WDR17: variants seen among roughly 807,000 people sequenced by gnomAD.
WDR17 encodes the protein WD repeat domain 17.
WDR17 carries 143 observed loss-of-function variants against 161.7 expected under a neutral mutation model. The ratio of observed to expected loss-of-function variants is 0.88; its 90% CI spans 0.77 to 1.02. WDR17 has a LOEUF of 1.02. WDR17 is among the 50% of genes least tolerant of loss of function. The pLI is 0.00. For synonymous variants in WDR17, 517 were observed against 515.6 expected, an observed-to-expected ratio of 1.00 and a Z score of -0.04; for missense variants, 1,469 against 1,520.9, an observed-to-expected ratio of 0.97 and a Z score of 0.57.
At chr4:176,124,966 C>T in intron 4 of WDR17, 138 bp from the exon 5 acceptor site, 1 of 952,526 alleles carries the variant, frequency 1.0e-6, no homozygotes, top group East Asian at 2.6e-5. Flanking sequence ...GTCAGTTACG[C>T]CTTCTGCATA....
chr4:176,129,800 A>C (rs1242375440), intron 6 of WDR17, among the ~76,000 whole-genome samples: 1 of 151,194 alleles, frequency 6.6e-6, no homozygotes, highest in East Asian at 1.9e-4. Flanking sequence ...AGAACCTGGA[A>C]ACTGGAGGGT....
At chr4:176,155,447 G>A (rs2126830176) in intron 17 of WDR17, among the ~76,000 whole-genome samples, 1 of 151,114 alleles carries the variant, frequency 6.6e-6, no homozygotes, top group East Asian at 1.9e-4. Flanking sequence ...AGTGATGAGA[G>A]CAGCCATTTA....
chr4:176,181,260 A>C lies in WDR17; in HGVS notation c.*1681A>C, dbSNP rs890740494. The C allele has an allele frequency of 1.3e-5, 2 of 152,076 alleles. No homozygotes were observed. The highest frequency in any genetic ancestry group is 2.9e-5 in the Non-Finnish European group (2 of 68,148). The allele number at this position is 152,076 out of a possible 1,614,324, so 9.4% of individuals were successfully genotyped here. A position where few individuals can be genotyped will look rare whatever the true frequency, so the allele number is the denominator to read the frequency against. On this transcript the variant is annotated 3_prime_UTR_variant, in exon 29 of 29. Transcript: ENST00000508596. ...GAGATGGGCAGATCTTGAGGTCGGT[A>C]GATGGAGACCATCCTGGCCAACATG...
intron 1 of WDR17, among the ~76,000 whole-genome samples, chr4:176,071,831 G>C (rs1160117151): frequency 2.0e-5 from 3 of 152,178 alleles, no homozygotes; most frequent in Non-Finnish European, 2.9e-5. Context: ...GGCTAAAATG[G>C]AGGAAAGTAT....
At chr4:176,114,861 A>G (rs1353554641) in intron 2 of WDR17, among the ~76,000 whole-genome samples, 1 of 151,496 alleles carries the variant, frequency 6.6e-6, no homozygotes, top group Non-Finnish European at 1.5e-5. Flanking sequence ...CAGTGGATAG[A>G]GTATTTAGAA....
At chr4:176,157,244 A>G (rs1020876224) in intron 18 of WDR17, among the ~76,000 whole-genome samples, 1 of 152,220 alleles carries the variant, frequency 6.6e-6, no homozygotes, top group Non-Finnish European at 1.5e-5. Flanking sequence ...AGAGTACTAT[A>G]TATTATTATG....
intron 12 of WDR17, 110 bp downstream of exon 12, chr4:176,146,269 T>C (rs1288504463): frequency 6.9e-6 from 8 of 1,155,572 alleles, no homozygotes; most frequent in Non-Finnish European, 8.1e-6. Context: ...AGTCTCCCTC[T>C]GTCACCCAGG....
At chr4:176,168,014 G>T (rs981001006) in intron 22 of WDR17, among the ~76,000 whole-genome samples, 11 of 151,782 alleles carry the variant, frequency 7.2e-5, no homozygotes, top group Non-Finnish European at 5.9e-5. Context: ...GGGCATGGTG[G>T]CACGTGCCTG....
chr4:176,168,836 T>C (rs1750274075), intron 23 of WDR17, 53 bp downstream of exon 23: 1 of 1,569,612 alleles, frequency 6.4e-7, no homozygotes, highest in African/African-American at 1.4e-5. Context: ...TATGATTTAA[T>C]TAATTGTAGG....
intron 11 of WDR17, 48 bp downstream of exon 11, chr4:176,142,117 T>G (rs1469163728): frequency 1.3e-6 from 2 of 1,485,318 alleles, no homozygotes; most frequent in Admixed American, 1.7e-5. Flanking sequence ...ATTTTGGAAA[T>G]TTTAAATAAC....
intron 1 of WDR17, among the ~76,000 whole-genome samples, chr4:176,094,057 C>A (rs77100957): frequency 6.6e-6 from 1 of 151,992 alleles, no homozygotes; most frequent in Non-Finnish European, 1.5e-5. Flanking sequence ...TTGGTGATGG[C>A]ATGATGACAA....
chr4:176,129,634 T>G (rs1743038486), intron 6 of WDR17, among the ~76,000 whole-genome samples: 2 of 152,166 alleles, frequency 1.3e-5, no homozygotes, highest in Non-Finnish European at 2.9e-5. Flanking sequence ...ATTGTTTCCT[T>G]CTTACTCTAT....
At chr4:176,092,354 T>TTCAATTCA (rs1330551155) in intron 1 of WDR17, among the ~76,000 whole-genome samples, 1 of 134,634 alleles carries the variant, frequency 7.4e-6, no homozygotes, top group Admixed American at 7.5e-5. Context: ...ATATGATCAT[T>TTCAATTCA]TCAATTGATG....
intron 1 of WDR17, among the ~76,000 whole-genome samples, chr4:176,091,734 G>A (rs1007424679): frequency 6.6e-6 from 1 of 151,900 alleles, no homozygotes; most frequent in African/African-American, 2.4e-5. Flanking sequence ...CAAACTGTAA[G>A]CCAGACTAAT....
At chr4:176,089,071 C>CT (rs1382734087) in intron 1 of WDR17, among the ~76,000 whole-genome samples, 1 of 152,048 alleles carries the variant, frequency 6.6e-6, no homozygotes, top group Non-Finnish European at 1.5e-5. Context: ...GCATTTTCCC[C>CT]TTTTAATTTT....
chr4:176,148,542 A>C (rs1000735382), intron 13 of WDR17, among the ~76,000 whole-genome samples: 3 of 152,232 alleles, frequency 2.0e-5, no homozygotes, highest in Non-Finnish European at 4.4e-5. Context: ...GAAGATGACT[A>C]TTGTTAGCAC....
Position 176,168,679 on chromosome 4 carries a change from G to A in WDR17, c.2998G>A (p.Ala1000Thr), listed in dbSNP as rs147004563. ...CTTTTGTTACGTTAACAGGAATTTGGCAGCTGATCTTCTTCTGATGATTCC... is the reference window on the plus strand; with the variant it reads ...CTTTTGTTACGTTAACAGGAATTTGACAGCTGATCTTCTTCTGATGATTCC... ...KCMMISVWNL[A>T]ADLLLMIPDN... Residue 1000 changes from alanine to threonine, a missense_variant, in exon 23 of 29, where the codon GCA becomes ACA. By Grantham distance (58) the Ala-to-Thr change is moderately conservative. Transcript: ENST00000508596. 2.0e-5 allele frequency: 33 copies of A among 1,613,328 alleles called. No homozygotes were observed. The African/African-American group carries it at 3.6e-4, about 18-fold the overall frequency.
At chr4:176,155,547 T>TTTTTTTTGTTTTGTTTTGTTTTG (rs1747949307) in intron 17 of WDR17, among the ~76,000 whole-genome samples, 2 of 133,438 alleles carry the variant, frequency 1.5e-5, no homozygotes, top group African/African-American at 5.5e-5. Flanking sequence ...TTGTTTGTGT[T>TTTTTTTTGTTTTGTTTTGTTTTG]TTTTTTTTTT....
At chr4:176,113,022 A>C in intron 2 of WDR17, among the ~76,000 whole-genome samples, 1 of 152,114 alleles carries the variant, frequency 6.6e-6, no homozygotes, top group Admixed American at 6.5e-5. Context: ...TATGTAGTCC[A>C]TTTCTTAAGA....
Sources: gnomAD v4.1 joint callset for allele counts (sites outside exome capture counted in the v4.1 genomes callset) on GRCh38, gnomAD v4.1.1 for gene constraint, MANE v1.5 for transcripts, NCBI Gene and HGNC (gene_info 2026-07-23, HGNC 2026-07-21) for gene names.